The following FNBP1 variants were observed in gnomAD, a reference collection of about 807,000 sequenced individuals.
FNBP1 encodes the protein formin-binding protein 1.
Under a neutral mutation model 90.6 loss-of-function variants are expected in FNBP1, and 26 were observed. The ratio of observed to expected loss-of-function variants is 0.29; its 90% confidence interval spans 0.21 to 0.40. The LOEUF is 0.40. Ranked by LOEUF, FNBP1 falls within the 10% of genes least tolerant of loss-of-function variation. The pLI, the probability that FNBP1 is intolerant of heterozygous loss-of-function variation, is 1.00. For missense variants in FNBP1, 635 were observed against 768.0 expected, an observed-to-expected ratio of 0.83 and a Z score of 2.05; for synonymous variants, 260 against 265.2, an observed-to-expected ratio of 0.98 and a Z score of 0.19.
intron 4 of FNBP1, among the ~76,000 whole-genome samples, chr9:129,970,243 T>C (rs915802881): frequency 1.3e-5 from 2 of 151,058 alleles, no homozygotes; most frequent in Non-Finnish European, 2.9e-5. Flanking sequence ...GTCCTGTCTG[T>C]CACCCAGGCT....
At chr9:130,036,876 T>A (rs1304230469) in intron 1 of FNBP1, among the ~76,000 whole-genome samples, 1 of 151,320 alleles carries the variant, frequency 6.6e-6, no homozygotes, top group African/African-American at 2.4e-5. Context: ...AAACCCCATC[T>A]CTACTAAAAA....
intron 12 of FNBP1, 138 bp from the exon 13 acceptor site, chr9:129,903,139 C>A (rs2037283670): frequency 2.5e-6 from 2 of 789,106 alleles, no homozygotes; most frequent in Admixed American, 5.5e-5. Context: ...GCAACCTTCA[C>A]CTCCAGGGTT....
At chr9:130,019,211 G>A (rs928221889) in intron 1 of FNBP1, among the ~76,000 whole-genome samples, 1 of 151,392 alleles carries the variant, frequency 6.6e-6, no homozygotes, top group African/African-American at 2.4e-5. Context: ...CCGCCTGGAT[G>A]AGAGTTAGAC....
rs2037246327 is a variant in FNBP1 at position 129,903,011 on chromosome 9, A to C, written c.1296-10T>G. The C allele has an allele frequency of 3.2e-6, 5 of 1,560,828 alleles. No homozygotes were observed. The highest frequency in any genetic ancestry group is 1.2e-5 in the South Asian group (1 of 85,140). On this transcript the variant is annotated splice_polypyrimidine_tract_variant and intron_variant, in intron 12 of 16. Coordinates refer to ENST00000446176, the MANE Select transcript of FNBP1 (RefSeq NM_015033.3). ...TTTTGTTATGGCATCTCTGAAAGAA[A>C]GAACGAGTAGAATGCTGTAAAGGTT...
At chr9:129,968,618 T>C (rs1303689926) in intron 4 of FNBP1, among the ~76,000 whole-genome samples, 2 of 152,184 alleles carry the variant, frequency 1.3e-5, no homozygotes, top group South Asian at 2.1e-4. Context: ...ATAGGACCTA[T>C]TGAATATCTA....
At chr9:129,915,941 A>T in intron 11 of FNBP1, 25 bp downstream of exon 11, 1 of 1,581,588 alleles carries the variant, frequency 6.3e-7, no homozygotes, top group Non-Finnish European at 8.7e-7. Flanking sequence ...TAGACTCAGG[A>T]CATGCATGGA....
At chr9:129,913,195 G>A (rs761898593) in intron 11 of FNBP1, among the ~76,000 whole-genome samples, 10 of 152,072 alleles carry the variant, frequency 6.6e-5, no homozygotes, top group Non-Finnish European at 1.3e-4. Flanking sequence ...GTGACAGAGC[G>A]AGACTCCATC....
chr9:129,983,514 G>A (rs555869837), intron 2 of FNBP1, among the ~76,000 whole-genome samples: 91 of 152,216 alleles, frequency 6.0e-4, no homozygotes, highest in Admixed American at 2.2e-3. Flanking sequence ...TTGTATTACC[G>A]TTATTTAAAA....
At position 129,900,032 on chromosome 9, in the gene FNBP1, G is replaced by T. The variant is rs138991769; in HGVS notation, c.1620C>A (p.Asp540Glu). 2.5e-6 allele frequency: 4 copies of T among 1,613,396 alleles called. No individual in the cohort carries two copies. The highest frequency in any genetic ancestry group is 3.4e-6 in the Non-Finnish European group (4 of 1,179,646). The stretch of plus-strand genomic sequence containing the variant: ...GGGGCTCCTCATCATCAAACTCGTC[G>T]TCAAAATCCGTGGCCAGCACCTTCA... ...SEMKVLATDF[D>E]DEFDDEEPLP... The change falls in exon 15 of 17, where the codon GAC becomes GAA. Residue 540 changes from aspartate to glutamate, a missense_variant. By Grantham distance (45) the Asp-to-Glu change is conservative. Transcript: ENST00000446176. The surrounding 1 kb of genome is among the most constrained non-coding windows in gnomAD (Gnocchi z 4.1).
At chr9:129,965,699 C>G (rs1450035330) in intron 4 of FNBP1, among the ~76,000 whole-genome samples, 1 of 106,950 alleles carries the variant, frequency 9.4e-6, no homozygotes, top group African/African-American at 3.9e-5. Flanking sequence ...CACACACACG[C>G]GCGCGCGCGC....
chr9:129,989,086 A>G (rs541845782), intron 2 of FNBP1, among the ~76,000 whole-genome samples: 1 of 152,074 alleles, frequency 6.6e-6, no homozygotes, highest in East Asian at 1.9e-4. Flanking sequence ...CCACATCCTT[A>G]CATGTCTGGC....
chr9:130,017,347 C>G (rs1487473306), intron 1 of FNBP1, among the ~76,000 whole-genome samples: 1 of 152,126 alleles, frequency 6.6e-6, no homozygotes, highest in East Asian at 1.9e-4. Context: ...AATAACTGAA[C>G]AGTATTCAGC....
In FNBP1 at chr9:129,994,924, C is replaced by A. The variant is rs1564527697; in HGVS notation, c.59G>T (p.Trp20Leu). The change falls in exon 2 of 17, where the codon TGG (tryptophan) becomes TTG (leucine). Residue 20 changes from tryptophan to leucine, a missense_variant. By Grantham distance (61) the Trp-to-Leu change is moderately conservative. Coordinates refer to ENST00000446176, the MANE Select transcript of FNBP1 (RefSeq NM_015033.3). ...ATATTTCTCAAGAATATCAATTCCC[C>A]ACTGTGTGTGTTTTTCTAAGTTGTC... is the stretch of plus-strand genomic sequence containing the variant. ...QFDNLEKHTQ[W>L]GIDILEKYIK... 6.2e-7 allele frequency: 1 copy of A among 1,605,340 alleles called. No individual in the cohort carries two copies. The highest frequency in any genetic ancestry group is 1.3e-5 in the African/African-American group (1 of 74,860).
chr9:130,009,908 G>A (rs1674787680), intron 1 of FNBP1, among the ~76,000 whole-genome samples: 1 of 151,614 alleles, frequency 6.6e-6, no homozygotes, highest in Non-Finnish European at 1.5e-5. Flanking sequence ...GAATTTAAGA[G>A]GAGGAGGTTG....
At chr9:130,009,940 C>G (rs963212233) in intron 1 of FNBP1, among the ~76,000 whole-genome samples, 4 of 147,480 alleles carry the variant, frequency 2.7e-5, no homozygotes, top group African/African-American at 1.0e-4. Context: ...GATTGTGCCA[C>G]TGTACTCCAG....
At chr9:129,902,772 T>G in intron 13 of FNBP1, 97 bp downstream of exon 13, 1 of 1,230,348 alleles carries the variant, frequency 8.1e-7, no homozygotes, top group Non-Finnish European at 1.1e-6. Flanking sequence ...ACTGTGTACC[T>G]CCCAGTGAGA....
chr9:130,035,816 C>T (rs2059258280), intron 1 of FNBP1, among the ~76,000 whole-genome samples: 1 of 152,016 alleles, frequency 6.6e-6, no homozygotes, highest in Non-Finnish European at 1.5e-5. Context: ...CGTGGTGGCA[C>T]ACGCCTGTAA....
chr9:130,039,556 G>A (rs2059638593), intron 1 of FNBP1, among the ~76,000 whole-genome samples: 1 of 151,750 alleles, frequency 6.6e-6, no homozygotes, highest in Admixed American at 6.6e-5. Flanking sequence ...CACACCTGTA[G>A]TCCCAGCTAC....
intron 10 of FNBP1, among the ~76,000 whole-genome samples, chr9:129,921,371 T>TGGTG: frequency 6.6e-6 from 1 of 151,682 alleles, no homozygotes; most frequent in South Asian, 2.1e-4. Context: ...CATGCCACCA[T>TGGTG]GCCTGGCTAT....
Sources: gnomAD v4.1 joint callset for allele counts (sites outside exome capture counted in the v4.1 genomes callset) on GRCh38, gnomAD v4.1.1 for gene constraint, Gnocchi (gnomAD v3.1) non-coding constraint, MANE v1.5 for transcripts, NCBI Gene and HGNC (gene_info 2026-07-23, HGNC 2026-07-21) for gene names.